Variants in ANO4 observed in about 807,000 individuals in gnomAD.
The protein encoded by ANO4 is anoctamin 4.
A neutral mutation model predicts 141.9 loss-of-function variants in ANO4; 69 were observed. The observed-to-expected ratio is 0.49, with a 90% CI of 0.40 to 0.59. The LOEUF (loss-of-function observed/expected upper bound fraction) is 0.59, where lower values mean the gene tolerates loss of function less well. Among genes scored for constraint, ANO4 ranks in the 20% least tolerant of loss-of-function variants. The pLI is 0.00. For synonymous variants in ANO4, 350 were observed against 394.3 expected (o/e 0.89, Z 1.33); for missense variants, 894 against 1,162.2 (o/e 0.77, Z 3.36).
intron 3 of ANO4, among the ~76,000 whole-genome samples, chr12:100,768,960 ATC>A (rs1294690900): frequency 1.3e-5 from 2 of 152,218 alleles, no homozygotes; most frequent in Non-Finnish European, 2.9e-5. Context: ...CATGTCATGA[ATC>A]TCTGTGCCTG....
intron 8 of ANO4, among the ~76,000 whole-genome samples, chr12:101,012,249 GAGAGGGGC>G (rs1279248013): frequency 3.9e-5 from 6 of 152,072 alleles, no homozygotes; most frequent in African/African-American, 1.4e-4. Flanking sequence ...TCTGTAGGGG[GAGAGGGGC>G]AGACAACAAA....
chr12:100,775,765 A>G (rs2033480185), intron 3 of ANO4, among the ~76,000 whole-genome samples: 1 of 152,026 alleles, frequency 6.6e-6, no homozygotes, highest in Non-Finnish European at 1.5e-5. Context: ...TGCCACTAAC[A>G]CCTAGTCCAG....
In ANO4 at chr12:101,097,962, C is replaced by T; in HGVS notation, c.2006+17C>T. 6.2e-7 allele frequency: 1 copy of T among 1,602,610 alleles called. No homozygotes were observed. Among genetic ancestry groups the T allele is most frequent in the Non-Finnish European group, 8.5e-7 (1 of 1,170,390 alleles). ...TGGCTACCCGTAAGTACCTTAGTAT[C>T]AATAATTGAGAGGCAGCATTGCTCA... On this transcript the variant is annotated intron_variant, in intron 21 of 27. Transcript: ENST00000392977.
At chr12:100,767,429 A>G (rs1460355592) in intron 3 of ANO4, among the ~76,000 whole-genome samples, 2 of 152,184 alleles carry the variant, frequency 1.3e-5, no homozygotes, top group Non-Finnish European at 2.9e-5. Context: ...TCTCTTTGGC[A>G]TATGCAAATT....
At chr12:100,990,619 TAAAC>T (rs1190109327) in intron 8 of ANO4, among the ~76,000 whole-genome samples, 1 of 152,166 alleles carries the variant, frequency 6.6e-6, no homozygotes, top group Non-Finnish European at 1.5e-5. Context: ...GGTATAAAGA[TAAAC>T]AATACTCAGT....
chr12:100,892,859 G>A (rs76586843), intron 1 of ANO4, among the ~76,000 whole-genome samples: 11,022 of 151,804 alleles, frequency 0.073, 529 homozygotes, highest in African/African-American at 0.1. Flanking sequence ...AAGGAGGGCC[G>A]TCTGTACTTT....
upstream of ANO4, among the ~76,000 whole-genome samples, chr12:100,790,246 G>T (rs1387824420): frequency 5.3e-5 from 8 of 152,204 alleles, no homozygotes. Flanking sequence ...GTTGCAGAGG[G>T]CTTTGAATGT....
chr12:100,928,095 C>A (rs2041945242), intron 3 of ANO4, among the ~76,000 whole-genome samples: 1 of 151,714 alleles, frequency 6.6e-6, no homozygotes, highest in African/African-American at 2.4e-5. Context: ...ATTCTTTAGC[C>A]CTGATTTCCA....
intron 14 of ANO4, among the ~76,000 whole-genome samples, chr12:101,065,902 G>C (rs1008154788): frequency 6.6e-6 from 1 of 152,132 alleles, no homozygotes; most frequent in Non-Finnish European, 1.5e-5. Context: ...ACATGAAAAA[G>C]ATCATTCATT....
intron 8 of ANO4, 26 bp from the exon 9 acceptor site, chr12:101,020,008 C>CT (rs780681261): frequency 6.4e-7 from 1 of 1,565,272 alleles, no homozygotes; most frequent in African/African-American, 1.4e-5. Flanking sequence ...TAATTCTCAA[C>CT]TTGTATTTTT....
chr12:101,033,194 A>G (rs2047048249), intron 9 of ANO4, among the ~76,000 whole-genome samples: 1 of 152,112 alleles, frequency 6.6e-6, no homozygotes, highest in African/African-American at 2.4e-5. Flanking sequence ...GGAAATCATC[A>G]TTCTCAGTAA....
rs540518306 is a variant in ANO4 at position 101,086,942 on chromosome 12, A to T, written c.1701+118A>T. ...GAGGTGGGCCATTCACATAGCACTGATGTCCTGGCAGCGAAGTGCCTGGCA... is the reference window on the plus strand; with the variant it reads ...GAGGTGGGCCATTCACATAGCACTGTTGTCCTGGCAGCGAAGTGCCTGGCA... On this transcript the variant is annotated intron_variant, in intron 17 of 27. Transcript: ENST00000392977. 3.4e-6 allele frequency: 4 copies of T among 1,187,640 alleles called. No homozygotes were observed. In the East Asian group the frequency reaches 7.7e-5, roughly 23 times the overall value. The allele number at this position is 1,187,640 out of a possible 1,614,324, so 73.6% of individuals were successfully genotyped here. A position where few individuals can be genotyped will look rare whatever the true frequency, so the allele number is the denominator to read the frequency against.
intron 8 of ANO4, among the ~76,000 whole-genome samples, chr12:101,012,160 A>C (rs2046123994): frequency 6.6e-6 from 1 of 152,142 alleles, no homozygotes; most frequent in Non-Finnish European, 1.5e-5. Flanking sequence ...CTCTATGGGA[A>C]TCACATGATT....
intron 5 of ANO4, among the ~76,000 whole-genome samples, chr12:100,943,953 A>G (rs1176151370): frequency 6.6e-6 from 1 of 152,206 alleles, no homozygotes; most frequent in Non-Finnish European, 1.5e-5. Flanking sequence ...ATTGCTACTT[A>G]ATCTAAAATA....
chr12:100,850,434 G>A lies in ANO4; in HGVS notation c.-140-51212G>A, dbSNP rs1308522874. Reference sequence around the variant, plus strand: ...TGATAGAATTTCACATAGTGCTGGAGCCAGGTTCACCATCATTTTCTTTAT... The same window carrying A: ...TGATAGAATTTCACATAGTGCTGGAACCAGGTTCACCATCATTTTCTTTAT... On this transcript the variant is annotated intron_variant, in intron 1 of 27. Coordinates refer to ENST00000392977, the MANE Select transcript of ANO4 (RefSeq NM_001286615.2). 2.6e-5 allele frequency among the ~76,000 whole-genome samples: 4 copies of A among 152,266 alleles called. No homozygotes were observed. The South Asian group carries it at 8.3e-4, about 32-fold the overall frequency.
intron 1 of ANO4, among the ~76,000 whole-genome samples, chr12:100,837,744 G>A (rs188938567): frequency 1.4e-5 from 2 of 141,390 alleles, no homozygotes; most frequent in Admixed American, 7.1e-5. Flanking sequence ...AAAAAAGCTC[G>A]CTCATACCCA....
rs893749521 is a variant in ANO4 at position 100,794,963 on chromosome 12, G to C, written c.-205G>C. On this transcript the variant is annotated 5_prime_UTR_variant, in exon 1 of 28. Coordinates refer to ENST00000392977, the MANE Select transcript of ANO4 (RefSeq NM_001286615.2). ...GGAGGTTCACAGTGGATTTCTTTCTGCCGAAGACACCAAGGCACTGAGGAA... is the reference window on the plus strand; with the variant it reads ...GGAGGTTCACAGTGGATTTCTTTCTCCCGAAGACACCAAGGCACTGAGGAA... 4 of 152,638 alleles carry C rather than the reference G, an allele frequency of 2.6e-5. No individual in the cohort carries two copies. The highest frequency in any genetic ancestry group is 9.7e-5 in the African/African-American group (4 of 41,436). The allele number at this position is 152,638 out of a possible 1,614,324, so 9.5% of individuals were successfully genotyped here. A position where few individuals can be genotyped will look rare whatever the true frequency, so the allele number is the denominator to read the frequency against.
intron 3 of ANO4, among the ~76,000 whole-genome samples, chr12:100,932,699 A>T (rs1331826565): frequency 6.6e-6 from 1 of 152,156 alleles, no homozygotes; most frequent in Non-Finnish European, 1.5e-5. Flanking sequence ...GATCACCATG[A>T]TCTGCCTGCC....
intron 21 of ANO4, 89 bp from the exon 22 acceptor site, chr12:101,099,489 T>C (rs947552689): frequency 7.7e-7 from 1 of 1,303,744 alleles, no homozygotes; most frequent in African/African-American, 1.5e-5. Flanking sequence ...TTTCAAACTA[T>C]TGTTTCTGTA....
Sources: gnomAD v4.1 joint callset for allele counts (sites outside exome capture counted in the v4.1 genomes callset) on GRCh38, gnomAD v4.1.1 for gene constraint, MANE v1.5 for transcripts, NCBI Gene and HGNC (gene_info 2026-07-23, HGNC 2026-07-21) for gene names.